HEPH: variants seen among roughly 807,000 people sequenced by gnomAD.
HEPH encodes hephaestin.
HEPH carries 69 observed loss-of-function variants against 80.8 expected under a neutral mutation model. That is an observed-to-expected ratio of 0.85 (90% CI 0.70 to 1.04). The LOEUF is 1.04. Among genes scored for constraint, HEPH ranks in the 50% least tolerant of loss-of-function variants. The pLI is 0.00. For synonymous variants in HEPH, 431 were observed against 322.8 expected, an observed-to-expected ratio of 1.34 and a Z score of -3.60; for missense variants, 1,115 against 891.3, an observed-to-expected ratio of 1.25 and a Z score of -3.20.
chrX:66,223,422 G>C (rs1471882584), intron 15 of HEPH, among the ~76,000 whole-genome samples: 3 of 111,244 alleles, frequency 2.7e-5, no homozygotes, highest in Non-Finnish European at 5.7e-5. Context: ...TTTTATGCCA[G>C]ATAAGCTAAA....
Position 66,208,309 on chromosome X carries a change from A to G in HEPH, c.2563+63A>G. 4 of 1,079,753 alleles carry G rather than the reference A, an allele frequency of 3.7e-6. No homozygotes were observed. The African/African-American group carries it at 7.4e-5, about 20-fold the overall frequency. 89.0% of individuals were successfully genotyped at this position (1,079,753 alleles called of 1,213,427 possible). A position where few individuals can be genotyped will look rare whatever the true frequency, so the allele number is the denominator to read the frequency against. The stretch of plus-strand genomic sequence containing the variant: ...CATCACGTCTGCTTCAGGCTTCTGG[A>G]TTTTTCCTTAAAAAATTAATGTACT... On this transcript the variant is annotated intron_variant, in intron 15 of 20. Transcript: ENST00000343002.
chrX:66,167,322 C>T (rs2086414598), intron 1 of HEPH, among the ~76,000 whole-genome samples: 1 of 112,249 alleles, frequency 8.9e-6, no homozygotes, highest in Admixed American at 9.4e-5. Context: ...CACCACTCCC[C>T]AGATTCTATT....
At chrX:66,186,900 C>T (rs746143675) in intron 4 of HEPH, among the ~76,000 whole-genome samples, 27 of 111,083 alleles carry the variant, frequency 2.4e-4, no homozygotes, top group Admixed American at 6.7e-4. Flanking sequence ...TCTCAGACTT[C>T]GTAGGGGCTT....
intron 15 of HEPH, among the ~76,000 whole-genome samples, chrX:66,219,643 A>C (rs996931712): frequency 9.0e-6 from 1 of 110,758 alleles, no homozygotes; most frequent in Non-Finnish European, 1.9e-5. Flanking sequence ...GTATTGTATG[A>C]TTCTCTCAGG....
chrX:66,252,972 T>A (rs895982519), intron 15 of HEPH, among the ~76,000 whole-genome samples: 1 of 112,440 alleles, frequency 8.9e-6, no homozygotes, highest in African/African-American at 3.2e-5. Context: ...GTCAAAGACC[T>A]AAATATAAAA....
intron 4 of HEPH, among the ~76,000 whole-genome samples, chrX:66,178,847 C>G (rs2086949173): frequency 9.0e-6 from 1 of 111,304 alleles, no homozygotes; most frequent in Non-Finnish European, 1.9e-5. Context: ...GGATATTATC[C>G]CTTTGTCAGA....
Position 66,203,547 on chromosome X carries a change from G to A in HEPH, c.2261G>A (p.Arg754Gln), listed in dbSNP as rs762431872. 32 of 1,209,670 alleles carry A rather than the reference G, an allele frequency of 2.6e-5. No individual in the cohort carries two copies. Among genetic ancestry groups the A allele is most frequent in the South Asian group, 1.1e-4 (6 of 56,710 alleles). Residue 754 changes from arginine to glutamine, a missense_variant, in exon 13 of 21, where the codon CGG (arginine) becomes CAG (glutamine). Around this residue, in one of 3 missense-constraint regions of HEPH, gnomAD observed 716 missense variants for 523.5 expected, o/e 1.37. Coordinates refer to ENST00000343002, the MANE Select transcript of HEPH (RefSeq NM_001367233.3). ...TATTGCCCTGACCGGAGCTGGGAAC[G>A]GGAATGGCACAACCAGTCTGAGAAG... is the stretch of plus-strand genomic sequence containing the variant. The part of the protein sequence containing the change: ...WDYCPDRSWE[R>Q]EWHNQSEKDS...
At chrX:66,202,291 T>C (rs1266912906) in intron 12 of HEPH, among the ~76,000 whole-genome samples, 2 of 111,659 alleles carry the variant, frequency 1.8e-5, no homozygotes. Context: ...GGAGTGCTAG[T>C]TGAGTTTGAG....
intron 15 of HEPH, among the ~76,000 whole-genome samples, chrX:66,221,340 G>T (rs927457728): frequency 7.1e-5 from 8 of 112,438 alleles, no homozygotes; most frequent in African/African-American, 2.3e-4. Context: ...GGGATTTAGG[G>T]TGTTGCAAAC....
Position 66,190,025 on chromosome X carries a change from A to G in HEPH, c.1063+87A>G, listed in dbSNP as rs2087708032. On this transcript the variant is annotated intron_variant, in intron 6 of 20. Transcript: ENST00000343002. ...GGCTGGGTTTCTGGCCTGAAGCCAT[A>G]AATAAGTCCTCCAGTTGAGGCATCT... is the stretch of plus-strand genomic sequence containing the variant. 7.4e-6 allele frequency: 7 copies of G among 946,008 alleles called. No individual in the cohort carries two copies. In the South Asian group the frequency reaches 1.3e-4, roughly 17 times the overall value. 78.0% of individuals were successfully genotyped at this position (946,008 alleles called of 1,213,427 possible).
chrX:66,186,609 C>T (rs962391072), intron 4 of HEPH, among the ~76,000 whole-genome samples: 42 of 112,158 alleles, frequency 3.7e-4, no homozygotes, highest in African/African-American at 1.1e-3. Flanking sequence ...TCTGGCACTC[C>T]CTAGTGAGAT....
At chrX:66,196,692 A>C (rs2088121174) in intron 9 of HEPH, among the ~76,000 whole-genome samples, 1 of 111,904 alleles carries the variant, frequency 8.9e-6, no homozygotes, top group African/African-American at 3.2e-5. Context: ...TTTTCTTACA[A>C]CCTCATCAGC....
chrX:66,225,420 A>G (rs1236183549), intron 15 of HEPH, among the ~76,000 whole-genome samples: 1 of 112,180 alleles, frequency 8.9e-6, no homozygotes, highest in East Asian at 2.8e-4. Flanking sequence ...CAGAGTATCA[A>G]GAAATCCAAG....
In HEPH at chrX:66,172,511, G is replaced by A; in HGVS notation, c.324G>A (p.Gly108=). 1 of 1,210,057 alleles carries A rather than the reference G, an allele frequency of 8.3e-7. No homozygotes were observed. The part of the protein sequence containing the change: ...FLGPVLQAEV[G]DVILIHLKNF... ...GGCCAGTGTTGCAGGCTGAAGTGGG[G>A]GATGTCATTCTTATTCACCTGAAGA... The change falls in exon 3 of 21, where the codon GGG becomes GGA. Residue 108 remains glycine (G), a synonymous_variant. Transcript: ENST00000343002.
Position 66,193,493 on chromosome X carries a change from A to G in HEPH, c.1233-9A>G. On this transcript the variant is annotated splice_polypyrimidine_tract_variant and intron_variant, in intron 7 of 20. Transcript: ENST00000343002. The stretch of plus-strand genomic sequence containing the variant: ...GAAATAATATCATATTTTCCTTTTT[A>G]TACATCAGTATCTCAGATAAGTTTT... The G allele has an allele frequency of 8.7e-7, 1 of 1,149,540 alleles. No homozygotes were observed. The highest frequency in any genetic ancestry group is 1.2e-6 in the Non-Finnish European group (1 of 852,156). The allele number at this position is 1,149,540 out of a possible 1,213,427, so 94.7% of individuals were successfully genotyped here. A position where few individuals can be genotyped will look rare whatever the true frequency, so the allele number is the denominator to read the frequency against.
intron 15 of HEPH, among the ~76,000 whole-genome samples, chrX:66,234,522 C>T (rs1161217555): frequency 1.8e-5 from 2 of 111,228 alleles, no homozygotes; most frequent in East Asian, 2.8e-4. Flanking sequence ...AATTAATTTA[C>T]ACTCCCACCA....
At chrX:66,198,779 T>C in intron 10 of HEPH, 99 bp from the exon 11 acceptor site, 1 of 650,479 alleles carries the variant, frequency 1.5e-6, no homozygotes. Context: ...GAAAAGGAAA[T>C]GGGAAAGAAT....
At chrX:66,165,935 AT>A (rs1364166043) in intron 1 of HEPH, among the ~76,000 whole-genome samples, 2 of 111,019 alleles carry the variant, frequency 1.8e-5, no homozygotes, top group South Asian at 3.8e-4. Context: ...GAGAAAAAAA[AT>A]ATCCTTGCCC....
At chrX:66,246,060 G>A (rs952961755) in intron 15 of HEPH, among the ~76,000 whole-genome samples, 15 of 111,938 alleles carry the variant, frequency 1.3e-4, no homozygotes, top group African/African-American at 4.9e-4. Flanking sequence ...ACATGGGGTT[G>A]TGCCTGCCCA....
Sources: gnomAD v4.1 joint callset for allele counts (sites outside exome capture counted in the v4.1 genomes callset) on GRCh38, gnomAD v4.1.1 for gene constraint, gnomAD v4.1.1 regional missense constraint, MANE v1.5 for transcripts, NCBI Gene and HGNC (gene_info 2026-07-23, HGNC 2026-07-21) for gene names.